The following RUNX2 variants were observed in gnomAD, a reference collection of about 807,000 sequenced individuals.
RUNX2 encodes runt-related transcription factor 2.
In RUNX2, 10 loss-of-function variants were observed where a neutral mutation model predicts 51.7. The ratio of observed to expected loss-of-function variants is 0.19; its 90% CI spans 0.12 to 0.33. RUNX2 has a LOEUF of 0.33. Ranked by LOEUF, RUNX2 falls within the 10% of genes least tolerant of loss-of-function variation. The pLI is 1.00. For missense variants in RUNX2, 562 were observed against 691.3 expected (o/e 0.81, Z 2.10); for synonymous variants, 276 against 273.6 (o/e 1.01, Z -0.09).
chr6:45,340,385 A>G (rs1303290682), intron 2 of RUNX2, among the ~76,000 whole-genome samples: 1 of 152,162 alleles, frequency 6.6e-6, no homozygotes, highest in Admixed American at 6.5e-5. Context: ...GTGCACTGGC[A>G]TGATCACAGC....
At chr6:45,333,209 T>C (rs140756613) in intron 2 of RUNX2, among the ~76,000 whole-genome samples, 25 of 151,792 alleles carry the variant, frequency 1.6e-4, no homozygotes, top group African/African-American at 5.8e-4. Context: ...ATTCACTGGA[T>C]ATATTTTTTG....
chr6:45,426,161 C>G (rs1798376716), intron 3 of RUNX2, among the ~76,000 whole-genome samples: 3 of 152,012 alleles, frequency 2.0e-5, no homozygotes, highest in African/African-American at 7.2e-5. Flanking sequence ...TGTAAAAATG[C>G]AAAAACAACT....
At chr6:45,396,509 C>G (rs1401124879) in intron 2 of RUNX2, among the ~76,000 whole-genome samples, 1 of 152,026 alleles carries the variant, frequency 6.6e-6, no homozygotes, top group African/African-American at 2.4e-5. Flanking sequence ...GGACCCAAAC[C>G]GTCCTCCTGC....
At chr6:45,392,094 T>C (rs532254493) in intron 2 of RUNX2, among the ~76,000 whole-genome samples, 2 of 152,318 alleles carry the variant, frequency 1.3e-5, no homozygotes, top group South Asian at 2.1e-4. Context: ...TACAGTATAA[T>C]AGAACTAGAG....
At chr6:45,415,113 A>G (rs1307723675) in intron 2 of RUNX2, among the ~76,000 whole-genome samples, 1 of 152,154 alleles carries the variant, frequency 6.6e-6, no homozygotes, top group African/African-American at 2.4e-5. Flanking sequence ...ACCACTATGA[A>G]TAGGCATGTC....
At chr6:45,371,749 A>C (rs1401930339) in intron 2 of RUNX2, 6 of 755,626 alleles carry the variant, frequency 7.9e-6, no homozygotes, top group Non-Finnish European at 9.7e-6. Flanking sequence ...TGTTTAAAAG[A>C]AAATCTTAGG....
rs572778340 is a variant in RUNX2, at chr6:45,438,119, A to G, written c.685+68A>G. 6.0e-5 allele frequency: 61 copies of G among 1,012,516 alleles called. No individual in the cohort carries two copies. In the East Asian group the frequency reaches 1.3e-3, roughly 22 times the overall value. The allele number at this position is 1,012,516 out of a possible 1,614,324, so 62.7% of individuals were successfully genotyped here. ...AGAGACCCTATGAGGAATTTATTCC[A>G]AATGAGTTAGTGTCACTTTCATGTC... is the stretch of plus-strand genomic sequence containing the variant. On this transcript the variant is annotated intron_variant, in intron 5 of 8. Coordinates refer to ENST00000647337, the MANE Select transcript of RUNX2 (RefSeq NM_001024630.4).
intron 7 of RUNX2, among the ~76,000 whole-genome samples, chr6:45,520,343 T>C (rs1292518793): frequency 6.6e-6 from 1 of 152,224 alleles, no homozygotes; most frequent in African/African-American, 2.4e-5. Flanking sequence ...TTAAATTAAA[T>C]ATTTTTTTCC....
chr6:45,411,782 C>A (rs1012252632), intron 2 of RUNX2, among the ~76,000 whole-genome samples: 1 of 152,028 alleles, frequency 6.6e-6, no homozygotes, highest in Non-Finnish European at 1.5e-5. Context: ...TAATTTCCTT[C>A]AGTAAGGGTA....
intron 2 of RUNX2, among the ~76,000 whole-genome samples, chr6:45,346,362 G>C (rs1384639228): frequency 6.6e-6 from 1 of 151,954 alleles, no homozygotes; most frequent in Non-Finnish European, 1.5e-5. Flanking sequence ...AACGAAGAAG[G>C]GTGAGAGGGT....
intron 2 of RUNX2, among the ~76,000 whole-genome samples, chr6:45,420,756 C>A (rs920183714): frequency 5.9e-5 from 9 of 152,168 alleles, no homozygotes; most frequent in Non-Finnish European, 1.2e-4. Flanking sequence ...GGTGTAATAG[C>A]CTCAAGCGGA....
chr6:45,428,838 CTT>C (rs66878438), intron 3 of RUNX2, among the ~76,000 whole-genome samples: 11 of 131,054 alleles, frequency 8.4e-5, no homozygotes, highest in Non-Finnish European at 1.3e-4. Flanking sequence ...GGGCAGATTG[CTT>C]TTTTTTTTTT....
chr6:45,419,781 C>T (rs1798140142), intron 2 of RUNX2, among the ~76,000 whole-genome samples: 1 of 152,178 alleles, frequency 6.6e-6, no homozygotes, highest in African/African-American at 2.4e-5. Context: ...AATGGGTTCT[C>T]GCACCCTGGC....
In RUNX2 at chr6:45,548,397, A is replaced by G. The variant is rs1407357218; in HGVS notation, c.*1092A>G. ...ATTTTAAAAAATACTTCCATCTCCA[A>G]ATATTTTAGATATAGATTGTTTTTG... On this transcript the variant is annotated 3_prime_UTR_variant, in exon 9 of 9. Transcript: ENST00000647337. 6.6e-6 allele frequency: 1 copy of G among 152,604 alleles called. No individual in the cohort carries two copies. The highest frequency in any genetic ancestry group is 2.4e-5 in the African/African-American group (1 of 41,438). The allele number at this position is 152,604 out of a possible 1,614,324, so 9.5% of individuals were successfully genotyped here.
intron 2 of RUNX2, among the ~76,000 whole-genome samples, chr6:45,390,703 G>A (rs910171191): frequency 4.6e-5 from 7 of 151,980 alleles, no homozygotes; most frequent in African/African-American, 1.7e-4. Flanking sequence ...AATTTTGGTT[G>A]TCATTTTCCC....
At chr6:45,464,700 T>C (rs1799573623) in intron 5 of RUNX2, among the ~76,000 whole-genome samples, 2 of 152,246 alleles carry the variant, frequency 1.3e-5, no homozygotes, top group South Asian at 4.1e-4. Flanking sequence ...ATTGAGCAGC[T>C]AGGTAGCCTG....
intron 2 of RUNX2, chr6:45,365,446 A>G (rs1321302992): frequency 1.7e-6 from 1 of 583,270 alleles, no homozygotes; most frequent in African/African-American, 1.9e-5. Context: ...ATTCACTTAT[A>G]CTTAATGTTC....
intron 2 of RUNX2, among the ~76,000 whole-genome samples, chr6:45,373,280 T>C (rs1368334100): frequency 6.6e-6 from 1 of 152,120 alleles, no homozygotes; most frequent in Non-Finnish European, 1.5e-5. Context: ...TAACCTTCAC[T>C]ACCCATTAAC....
intron 5 of RUNX2, among the ~76,000 whole-genome samples, chr6:45,477,332 A>G (rs1799984953): frequency 1.3e-5 from 2 of 152,120 alleles, no homozygotes; most frequent in South Asian, 2.1e-4. Context: ...TGTTCCCATG[A>G]CCACTGAAAA....
Sources: allele counts gnomAD v4.1 joint callset (sites outside exome capture counted in the v4.1 genomes callset), GRCh38; gene constraint gnomAD v4.1.1; transcripts MANE v1.5; gene names NCBI Gene and HGNC (gene_info 2026-07-23, HGNC 2026-07-21).